GRM7: variants seen among roughly 807,000 people sequenced by gnomAD.
GRM7 encodes glutamate metabotropic receptor 7.
Under a neutral mutation model 84.5 loss-of-function variants are expected in GRM7, and 35 were observed. That is an observed-to-expected ratio of 0.41 (90% confidence interval 0.32 to 0.55). The LOEUF (loss-of-function observed/expected upper bound fraction) is 0.55. Among genes scored for constraint, GRM7 ranks in the 20% least tolerant of loss-of-function variants. GRM7 has a pLI of 0.19. For missense variants in GRM7, 1,003 were observed against 1,194.6 expected, an observed-to-expected ratio of 0.84 and a Z score of 2.36; for synonymous variants, 487 against 455.1, an observed-to-expected ratio of 1.07 and a Z score of -0.89.
At chr3:7,520,100 A>G (rs1007645428) in intron 7 of GRM7, 1 of 152,204 alleles carries the variant, frequency 6.6e-6, no homozygotes, top group Non-Finnish European at 1.5e-5. Context: ...TTACTACCAT[A>G]GACTATTGGA....
At chr3:7,464,848 TAACTG>T (rs1698397931) in intron 7 of GRM7, among the ~76,000 whole-genome samples, 2 of 128,442 alleles carry the variant, frequency 1.6e-5, no homozygotes, top group South Asian at 5.0e-4. Flanking sequence ...AAAAAAAAAT[TAACTG>T]AGCATGGTGG....
At chr3:7,081,133 A>G (rs1416219928) in intron 1 of GRM7, among the ~76,000 whole-genome samples, 1 of 152,166 alleles carries the variant, frequency 6.6e-6, no homozygotes, top group African/African-American at 2.4e-5. Flanking sequence ...TGTAGGATAT[A>G]AGTACAGGCA....
In GRM7 at chr3:7,566,103, GTTTTTTTT is replaced by G. The variant is rs58178956; in HGVS notation, c.1516-12297_1516-12290del. On this transcript the variant is annotated intron_variant, in intron 7 of 9. Coordinates refer to ENST00000357716, the MANE Select transcript of GRM7 (RefSeq NM_000844.4). Reference sequence around the variant, plus strand: ...TGTTTTCTTTGGCTCTGAATCAGCTGTTTTTTTTTTTTTTTTTTTTTTTTTTTTTGTAA... The same window carrying G: ...TGTTTTCTTTGGCTCTGAATCAGCTGTTTTTTTTTTTTTTTTTTTTTGTAA... Among the ~76,000 whole-genome samples, 72 of 130,004 alleles carry G rather than the reference GTTTTTTTT, an allele frequency of 5.5e-4. No individual in the cohort carries two copies. The South Asian group carries it at 0.018, about 32-fold the overall frequency. 85.3% of individuals were successfully genotyped at this position (130,004 alleles called of 152,430 possible).
At chr3:7,703,672 T>C (rs1253589030) in intron 9 of GRM7, among the ~76,000 whole-genome samples, 1 of 152,212 alleles carries the variant, frequency 6.6e-6, no homozygotes, top group Admixed American at 6.5e-5. Context: ...ATTTGCTTAC[T>C]AGGCATAGGT....
At chr3:7,190,282 A>G (rs1285260136) in intron 2 of GRM7, among the ~76,000 whole-genome samples, 1 of 152,124 alleles carries the variant, frequency 6.6e-6, no homozygotes, top group Non-Finnish European at 1.5e-5. Context: ...TTCATTTTAT[A>G]TTAGTAAGCC....
At chr3:7,663,684 TTCTTC>T (rs1699561771) in intron 8 of GRM7, among the ~76,000 whole-genome samples, 1 of 152,246 alleles carries the variant, frequency 6.6e-6, no homozygotes. Context: ...TGTCTTAACT[TTCTTC>T]AATTCATGGC....
chr3:7,453,424 G>A (rs151225368), intron 6 of GRM7, among the ~76,000 whole-genome samples: 113 of 152,164 alleles, frequency 7.4e-4, no homozygotes, highest in Middle Eastern at 6.8e-3. Context: ...CTGATGGTCC[G>A]GCTATAAACT....
At chr3:7,005,326 C>G (rs1008477986) in intron 1 of GRM7, among the ~76,000 whole-genome samples, 1 of 152,180 alleles carries the variant, frequency 6.6e-6, no homozygotes, top group Non-Finnish European at 1.5e-5. Flanking sequence ...CTACCTCTAT[C>G]CCCAGCTACC....
intron 1 of GRM7, among the ~76,000 whole-genome samples, chr3:6,960,864 G>A (rs1341185249): frequency 6.6e-6 from 1 of 152,070 alleles, no homozygotes; most frequent in East Asian, 1.9e-4. Flanking sequence ...CTGTTTCTCA[G>A]ACATTTCTGA....
At chr3:6,996,970 G>T (rs1694848324) in intron 1 of GRM7, among the ~76,000 whole-genome samples, 1 of 152,196 alleles carries the variant, frequency 6.6e-6, no homozygotes, top group African/African-American at 2.4e-5. Flanking sequence ...CAGATGAAAT[G>T]CTTCGGAATG....
At chr3:6,971,053 A>T (rs1187193150) in intron 1 of GRM7, among the ~76,000 whole-genome samples, 1 of 152,102 alleles carries the variant, frequency 6.6e-6, no homozygotes, top group Non-Finnish European at 1.5e-5. Context: ...CCACAGTGCA[A>T]ACTTTAAATT....
intron 2 of GRM7, among the ~76,000 whole-genome samples, chr3:7,288,028 A>G (rs116574081): frequency 0.017 from 2,551 of 152,272 alleles, 76 homozygotes; most frequent in African/African-American, 0.058. Flanking sequence ...ATCATATGAC[A>G]GTAATGTTTT....
chr3:7,194,520 A>G (rs1695818802), intron 2 of GRM7, among the ~76,000 whole-genome samples: 2 of 152,144 alleles, frequency 1.3e-5, no homozygotes, highest in South Asian at 4.1e-4. Context: ...CTTATTAGTC[A>G]TGTCTCAGAT....
intron 4 of GRM7, among the ~76,000 whole-genome samples, chr3:7,405,004 A>G (rs991179788): frequency 1.3e-5 from 2 of 152,184 alleles, no homozygotes; most frequent in African/African-American, 2.4e-5. Flanking sequence ...AAGAGAGCAT[A>G]TTGAACCGGA....
chr3:7,683,071 G>A (rs1481874279), intron 9 of GRM7, among the ~76,000 whole-genome samples: 8 of 152,170 alleles, frequency 5.3e-5, no homozygotes. Context: ...GAATATGAAT[G>A]GCATGTCGAA....
intron 2 of GRM7, among the ~76,000 whole-genome samples, chr3:7,278,568 A>T (rs1699152122): frequency 6.6e-6 from 1 of 151,898 alleles, no homozygotes; most frequent in Non-Finnish European, 1.5e-5. Context: ...GTTTCAATTG[A>T]TTCATATATT....
intron 7 of GRM7, among the ~76,000 whole-genome samples, chr3:7,503,985 G>C (rs1275771500): frequency 1.3e-5 from 2 of 152,034 alleles, no homozygotes; most frequent in Non-Finnish European, 2.9e-5. Context: ...CACTTTTATA[G>C]AATACCTACC....
chr3:7,623,331 T>C (rs760052019), intron 8 of GRM7, among the ~76,000 whole-genome samples: 1 of 152,186 alleles, frequency 6.6e-6, no homozygotes, highest in Non-Finnish European at 1.5e-5. Flanking sequence ...TAGTTTCTTC[T>C]ACCAATCCAA....
At chr3:7,197,525 C>A (rs1044362712) in intron 2 of GRM7, among the ~76,000 whole-genome samples, 1 of 152,060 alleles carries the variant, frequency 6.6e-6, no homozygotes, top group Non-Finnish European at 1.5e-5. Flanking sequence ...GTTCCTAATG[C>A]TAAAAGATTG....
Sources: allele counts gnomAD v4.1 joint callset (sites outside exome capture counted in the v4.1 genomes callset), GRCh38; gene constraint gnomAD v4.1.1; transcripts MANE v1.5; gene names NCBI Gene and HGNC (gene_info 2026-07-23, HGNC 2026-07-21).